The following SLF1 variants were observed in gnomAD, a reference collection of about 807,000 sequenced individuals.
SLF1 encodes SMC5/6 complex localization factor 1.
In SLF1, 105 loss-of-function variants were observed where a neutral mutation model predicts 123.0. That is an observed-to-expected ratio of 0.85 (90% CI 0.73 to 1.00). The LOEUF (loss-of-function observed/expected upper bound fraction) is 1.00. Among genes scored for constraint, SLF1 ranks in the 50% least tolerant of loss-of-function variants. The pLI, the probability that SLF1 is intolerant of heterozygous loss-of-function variation, is 0.00. For synonymous variants in SLF1, 434 were observed against 406.6 expected (o/e 1.07, Z -0.81); for missense variants, 1,239 against 1,223.0 (o/e 1.01, Z -0.20).
chr5:94,678,647 G>A (rs1371480274), intron 14 of SLF1, 161 bp from the exon 15 acceptor site: 3 of 564,858 alleles, frequency 5.3e-6, no homozygotes, highest in Non-Finnish European at 8.7e-6. Context: ...ATGGAGGGGA[G>A]AGAATTAGTT....
intron 4 of SLF1, among the ~76,000 whole-genome samples, chr5:94,637,063 A>G (rs1321131956): frequency 6.6e-6 from 1 of 152,028 alleles, no homozygotes; most frequent in Non-Finnish European, 1.5e-5. Flanking sequence ...CATTCTGTAG[A>G]TCTATAGCTC....
chr5:94,692,193 C>T lies in SLF1; in HGVS notation c.2632C>T (p.Pro878Ser). The T allele has an allele frequency of 1.9e-6, 3 of 1,613,832 alleles. No individual in the cohort carries two copies. The highest frequency in any genetic ancestry group is 2.5e-6 in the Non-Finnish European group (3 of 1,179,812). The change falls in exon 20 of 21, where the codon CCT (proline) becomes TCT (serine). Residue 878 changes from proline to serine, a missense_variant. Transcript: ENST00000265140. Reference sequence around the variant, plus strand: ...GCTCACTCAAGTGGACGGGGTGACTCCTTTGCATGATGCACTGTCAAACGG... The same window carrying T: ...GCTCACTCAAGTGGACGGGGTGACTTCTTTGCATGATGCACTGTCAAACGG... Reference protein sequence around the residue: ...DLLTQVDGVTPLHDALSNGHV... With the variant: ...DLLTQVDGVTSLHDALSNGHV...
Position 94,695,430 on chromosome 5 carries a change from A to G in SLF1, c.*118A>G, listed in dbSNP as rs1753457493. On this transcript the variant is annotated 3_prime_UTR_variant, in exon 21 of 21. Transcript: ENST00000265140. ...TGATTTATTTATTGACAGACTTTGCAGCCTTGCTAAATTTTAAAAGCATTT... is the reference window on the plus strand; with the variant it reads ...TGATTTATTTATTGACAGACTTTGCGGCCTTGCTAAATTTTAAAAGCATTT... The G allele has an allele frequency of 8.1e-7, 1 of 1,234,212 alleles. No homozygotes were observed. The allele number at this position is 1,234,212 out of a possible 1,614,324, so 76.5% of individuals were successfully genotyped here.
intron 14 of SLF1, chr5:94,678,581 T>C (rs1751375558): frequency 2.8e-6 from 1 of 353,886 alleles, no homozygotes; most frequent in East Asian, 4.6e-5. Context: ...TGTTAAGTTG[T>C]AGGTCCTTGG....
In SLF1 at chr5:94,653,147, G is replaced by A. The variant is rs1359797602; in HGVS notation, c.883-125G>A. Reference sequence around the variant, plus strand: ...GCAGAGATTACAGGCATGAGCCACCGCGCCCGGCCGTACTTCTTTATTTTT... The same window carrying A: ...GCAGAGATTACAGGCATGAGCCACCACGCCCGGCCGTACTTCTTTATTTTT... On this transcript the variant is annotated intron_variant, in intron 7 of 20. Transcript: ENST00000265140. 78 of 937,862 alleles carry A rather than the reference G, an allele frequency of 8.3e-5. 1 individual carries two copies. The highest frequency in any genetic ancestry group is 1.1e-4 in the African/African-American group (6 of 56,342). The allele number at this position is 937,862 out of a possible 1,614,324, so 58.1% of individuals were successfully genotyped here.
intron 4 of SLF1, among the ~76,000 whole-genome samples, chr5:94,633,448 T>A (rs571573253): frequency 2.0e-5 from 3 of 152,386 alleles, no homozygotes; most frequent in African/African-American, 7.2e-5. Context: ...GACATCTATG[T>A]AAATATCTAA....
chr5:94,651,849 C>T lies in SLF1; in HGVS notation c.882+4C>T, dbSNP rs76241864. 3.2e-4 allele frequency: 432 copies of T among 1,340,878 alleles called. 1 individual carries two copies. The African/African-American group carries it at 5.9e-3, about 18-fold the overall frequency. 83.1% of individuals were successfully genotyped at this position (1,340,878 alleles called of 1,614,324 possible). On this transcript the variant is annotated splice_donor_region_variant and intron_variant, in intron 7 of 20. Transcript: ENST00000265140. Reference sequence around the variant, plus strand: ...AAGCCATACATATGAAAATCAGGTACAACTTTCCAAATTAAAAATAATTTA... The same window carrying T: ...AAGCCATACATATGAAAATCAGGTATAACTTTCCAAATTAAAAATAATTTA...
chr5:94,659,335 GT>G, intron 9 of SLF1, among the ~76,000 whole-genome samples: 1 of 151,496 alleles, frequency 6.6e-6, no homozygotes, highest in Admixed American at 6.6e-5. Context: ...AATTTCATTG[GT>G]TTCCTTTTTG....
chr5:94,691,631 GC>G lies in SLF1; in HGVS notation c.2489del (p.Pro830GlnfsTer3). The G allele has an allele frequency of 6.2e-7, 1 of 1,611,212 alleles. No homozygotes were observed. Among genetic ancestry groups the G allele is most frequent in the Non-Finnish European group, 8.5e-7 (1 of 1,179,102 alleles). On this transcript the variant is annotated frameshift_variant, in exon 19 of 21. Coordinates refer to ENST00000265140, the MANE Select transcript of SLF1 (RefSeq NM_032290.4). LOFTEE classifies it high-confidence loss of function. ...AGAAATTGATTCTTCTTCTCTCTTT[GC>G]CAGGAATAGACATCAATGTTAAAGG... ...VEKLILLLSL[P>X]GIDINVKDNA...
intron 8 of SLF1, 58 bp downstream of exon 8, chr5:94,653,479 A>G: frequency 8.2e-6 from 11 of 1,337,080 alleles, no homozygotes; most frequent in Non-Finnish European, 1.0e-5. Flanking sequence ...GTTCTCTGAT[A>G]TAATCTAGAT....
At chr5:94,654,799 G>A in intron 9 of SLF1, 47 bp downstream of exon 9, 3 of 1,370,020 alleles carry the variant, frequency 2.2e-6, no homozygotes, top group East Asian at 2.8e-5. Context: ...GTGTCTTACT[G>A]TAGTGTATTC....
chr5:94,641,634 CA>C (rs1416481113), intron 4 of SLF1, among the ~76,000 whole-genome samples: 1 of 152,172 alleles, frequency 6.6e-6, no homozygotes, highest in Non-Finnish European at 1.5e-5. Flanking sequence ...TAGCTTTCAA[CA>C]ATCCTTAAAC....
At chr5:94,624,559 A>G (rs1183646688) in intron 1 of SLF1, among the ~76,000 whole-genome samples, 4 of 152,224 alleles carry the variant, frequency 2.6e-5, no homozygotes, top group Non-Finnish European at 5.9e-5. Flanking sequence ...TAAAATAGCT[A>G]TTAACATGAT....
At position 94,628,923 on chromosome 5, in the gene SLF1, A is replaced by T. The variant is rs891622175; in HGVS notation, c.113A>T (p.Glu38Val). The change falls in exon 2 of 21, where the codon GAG becomes GTG. Residue 38 changes from glutamate to valine, a missense_variant and splice_region_variant. Glu to Val is a moderately radical substitution (Grantham distance 121). Transcript: ENST00000265140. Reference sequence around the variant, plus strand: ...CTAGATTGCACTTTTATTAAGAGTGAGGTAAGAAACTTATCAAAATGTTCA... The same window carrying T: ...CTAGATTGCACTTTTATTAAGAGTGTGGTAAGAAACTTATCAAAATGTTCA... ...LKLDCTFIKS[E>V]KYKNCTHLIA... 9 of 1,533,652 alleles carry T rather than the reference A, an allele frequency of 5.9e-6. No individual in the cohort carries two copies. The highest frequency in any genetic ancestry group is 7.9e-6 in the Non-Finnish European group (9 of 1,135,756).
intron 18 of SLF1, among the ~76,000 whole-genome samples, chr5:94,690,255 TTTG>T (rs770882237): frequency 1.2e-3 from 186 of 152,292 alleles, no homozygotes; most frequent in East Asian, 5.6e-3. Flanking sequence ...CTGAGTCTTT[TTTG>T]TTGTTGTTGT....
chr5:94,662,473 CAAAT>C, intron 10 of SLF1, 122 bp downstream of exon 10: 1 of 707,146 alleles, frequency 1.4e-6, no homozygotes, highest in Non-Finnish European at 2.1e-6. Context: ...ATTATATGCA[CAAAT>C]AAAGAAATAT....
chr5:94,682,429 C>T (rs979434209), intron 15 of SLF1, among the ~76,000 whole-genome samples: 6 of 152,118 alleles, frequency 3.9e-5, no homozygotes, highest in African/African-American at 1.4e-4. Flanking sequence ...TTTCCCAAGT[C>T]ATTAGTAAAG....
In SLF1 at chr5:94,686,612, T is replaced by C. The variant is rs748166926; in HGVS notation, c.2015T>C (p.Phe672Ser). 6.2e-7 allele frequency: 1 copy of C among 1,614,088 alleles called. No individual in the cohort carries two copies. Among genetic ancestry groups the C allele is most frequent in the Non-Finnish European group, 8.5e-7 (1 of 1,179,964 alleles). ...GAATTAGAGATTTTCATTTGCTCCT[T>C]TTCCTCCTCCTGGCTTCAAATGTTT... ...SQELEIFICS[F>S]SSSWLQMFVA... is the part of the protein sequence containing the mutation. The change falls in exon 16 of 21, where the codon TTT becomes TCT. Residue 672 changes from phenylalanine (F) to serine (S), a missense_variant. Physicochemically the swap from Phe to Ser is radical, Grantham distance 155. Transcript: ENST00000265140.
At chr5:94,675,302 T>A (rs915688836) in intron 14 of SLF1, among the ~76,000 whole-genome samples, 2 of 152,240 alleles carry the variant, frequency 1.3e-5, no homozygotes, top group Admixed American at 1.3e-4. Flanking sequence ...AGAAAGGAAT[T>A]CTAAGGTAAA....
Sources: gnomAD v4.1 joint callset for allele counts (sites outside exome capture counted in the v4.1 genomes callset) on GRCh38, gnomAD v4.1.1 for gene constraint, MANE v1.5 for transcripts, NCBI Gene and HGNC (gene_info 2026-07-23, HGNC 2026-07-21) for gene names.